SLCO1B1: variants seen among roughly 807,000 people sequenced by gnomAD.
SLCO1B1 encodes solute carrier organic anion transporter family member 1B1.
Under a neutral mutation model 70.1 loss-of-function variants are expected in SLCO1B1, and 81 were observed. That is an observed-to-expected ratio of 1.16 (90% CI 0.97 to 1.39). The LOEUF (loss-of-function observed/expected upper bound fraction) is 1.39, where lower values mean the gene tolerates loss of function less well. SLCO1B1 is among the 40% of genes most tolerant of loss of function. The pLI, the probability that SLCO1B1 is intolerant of heterozygous loss-of-function variation, is 0.00. For synonymous variants in SLCO1B1, 283 were observed against 271.5 expected, an observed-to-expected ratio of 1.04 and a Z score of -0.42; for missense variants, 895 against 799.6, an observed-to-expected ratio of 1.12 and a Z score of -1.44.
intron 2 of SLCO1B1, among the ~76,000 whole-genome samples, chr12:21,163,768 C>G (rs1940651821): frequency 6.6e-6 from 1 of 152,058 alleles, no homozygotes; most frequent in Non-Finnish European, 1.5e-5. Context: ...TAATCACCCC[C>G]CAAAAGCTTC....
intron 13 of SLCO1B1, among the ~76,000 whole-genome samples, chr12:21,224,416 T>C (rs1301352565): frequency 3.9e-5 from 6 of 152,192 alleles, no homozygotes; most frequent in Non-Finnish European, 8.8e-5. Context: ...TTCCAAGTTT[T>C]ACTAACAACA....
In SLCO1B1 at chr12:21,179,293, C is replaced by T. The variant is rs117034374; in HGVS notation, c.727+273C>T. ...AAAATAACCAAATGTAAAATGTCTC[C>T]CTCCCAAACTGACTGTCCAGTCAAG... is the stretch of plus-strand genomic sequence containing the variant. On this transcript the variant is annotated intron_variant, in intron 7 of 14. Coordinates refer to ENST00000256958, the MANE Select transcript of SLCO1B1 (RefSeq NM_006446.5). Among the ~76,000 whole-genome samples the T allele has an allele frequency of 1.3e-4, 20 of 152,078 alleles. No individual in the cohort carries two copies. The East Asian group carries it at 3.1e-3, about 24-fold the overall frequency.
intron 1 of SLCO1B1, among the ~76,000 whole-genome samples, chr12:21,135,989 T>C (rs970739655): frequency 6.6e-6 from 1 of 152,182 alleles, no homozygotes; most frequent in African/African-American, 2.4e-5. Flanking sequence ...TTCCTTTCCA[T>C]GTTTAGTGCT....
intron 7 of SLCO1B1, among the ~76,000 whole-genome samples, chr12:21,190,930 A>T (rs1232949724): frequency 6.6e-6 from 1 of 152,046 alleles, no homozygotes; most frequent in Non-Finnish European, 1.5e-5. Flanking sequence ...TAAATGATTT[A>T]TAATATTTTA....
chr12:21,202,745 T>C, intron 10 of SLCO1B1, 59 bp downstream of exon 10: 1 of 1,344,440 alleles, frequency 7.4e-7, no homozygotes, highest in East Asian at 2.3e-5. Flanking sequence ...TAAGAGTCTC[T>C]GTATAAGTAA....
intron 1 of SLCO1B1, among the ~76,000 whole-genome samples, chr12:21,137,048 C>T (rs1940233228): frequency 1.3e-5 from 2 of 152,182 alleles, no homozygotes; most frequent in African/African-American, 4.8e-5. Flanking sequence ...TTCCTTCTAA[C>T]AGACAGGACC....
intron 2 of SLCO1B1, among the ~76,000 whole-genome samples, chr12:21,149,531 A>T (rs981329735): frequency 6.6e-6 from 1 of 152,148 alleles, no homozygotes; most frequent in African/African-American, 2.4e-5. Flanking sequence ...CTGGTTAGAC[A>T]GTGGGTGCAG....
chr12:21,184,700 C>T (rs1046260259), intron 7 of SLCO1B1, among the ~76,000 whole-genome samples: 5 of 152,010 alleles, frequency 3.3e-5, no homozygotes, highest in African/African-American at 9.7e-5. Context: ...AGCAACTATA[C>T]AACCAAGTCT....
chr12:21,196,822 TA>T, intron 7 of SLCO1B1, 123 bp from the exon 8 acceptor site: 1 of 1,002,252 alleles, frequency 1.0e-6, no homozygotes, highest in Non-Finnish European at 1.5e-6. Context: ...GACAAAAAAT[TA>T]AAAGAAAAAA....
At chr12:21,197,490 C>T (rs944769947) in intron 8 of SLCO1B1, among the ~76,000 whole-genome samples, 3 of 151,964 alleles carry the variant, frequency 2.0e-5, no homozygotes, top group African/African-American at 7.2e-5. Context: ...ATGGTCTAAA[C>T]TGGGAGAGTT....
intron 2 of SLCO1B1, among the ~76,000 whole-genome samples, chr12:21,159,605 C>A (rs1159197082): frequency 6.6e-6 from 1 of 152,030 alleles, no homozygotes; most frequent in Non-Finnish European, 1.5e-5. Context: ...TGAGAAAATT[C>A]CTATTTGGCA....
chr12:21,200,718 T>G lies in SLCO1B1; in HGVS notation c.1135+46T>G, dbSNP rs373407344. 137 of 1,490,700 alleles carry G rather than the reference T, an allele frequency of 9.2e-5. 1 individual carries two copies. The highest frequency in any genetic ancestry group is 1.2e-4 in the Non-Finnish European group (127 of 1,074,900). 92.3% of individuals were successfully genotyped at this position (1,490,700 alleles called of 1,614,324 possible). A position where few individuals can be genotyped will look rare whatever the true frequency, so the allele number is the denominator to read the frequency against. On this transcript the variant is annotated intron_variant, in intron 9 of 14. Coordinates refer to ENST00000256958, the MANE Select transcript of SLCO1B1 (RefSeq NM_006446.5). ...GTGTGCTTAATAAGTGAAATAATAC[T>G]AAATACTGTATTCCAAGTGGTATTT...
chr12:21,159,807 G>A (rs1367907268), intron 2 of SLCO1B1, among the ~76,000 whole-genome samples: 1 of 151,916 alleles, frequency 6.6e-6, no homozygotes, highest in African/African-American at 2.4e-5. Flanking sequence ...ACAAAAATCA[G>A]TAGCATTCCT....
At chr12:21,148,756 G>A (rs1038590837) in intron 2 of SLCO1B1, among the ~76,000 whole-genome samples, 3 of 137,224 alleles carry the variant, frequency 2.2e-5, no homozygotes, top group Admixed American at 7.8e-5. Flanking sequence ...CCAATTCTGT[G>A]ATGAAAGTCA....
rs1043835769 is a variant in SLCO1B1 at position 21,148,018 on chromosome 12, G to C, written c.84+6360G>C. Among the ~76,000 whole-genome samples the C allele has an allele frequency of 3.3e-5, 5 of 152,158 alleles. No homozygotes were observed. The South Asian group carries it at 6.2e-4, about 19-fold the overall frequency. On this transcript the variant is annotated intron_variant, in intron 2 of 14. Transcript: ENST00000256958. ...ACATAAATGTCTTATTTTGAGAAGT[G>C]TCTGTTCATATCCTTGGCCCACTTT...
At chr12:21,152,776 A>G (rs568738911) in intron 2 of SLCO1B1, among the ~76,000 whole-genome samples, 1 of 152,204 alleles carries the variant, frequency 6.6e-6, no homozygotes, top group East Asian at 1.9e-4. Flanking sequence ...GGCAAGCACT[A>G]AAAGTCCTAT....
chr12:21,155,273 A>T (rs1002263590), intron 2 of SLCO1B1, among the ~76,000 whole-genome samples: 1 of 151,782 alleles, frequency 6.6e-6, no homozygotes, highest in Non-Finnish European at 1.5e-5. Context: ...ATATGCTTTC[A>T]ATGTTTTAAA....
At chr12:21,188,486 TCAAC>T (rs1940988168) in intron 7 of SLCO1B1, among the ~76,000 whole-genome samples, 1 of 152,306 alleles carries the variant, frequency 6.6e-6, no homozygotes, top group African/African-American at 2.4e-5. Flanking sequence ...AGGATTCTGA[TCAAC>T]AGTAGCTGGT....
chr12:21,157,069 A>G (rs999405409), intron 2 of SLCO1B1, among the ~76,000 whole-genome samples: 8 of 152,200 alleles, frequency 5.3e-5, no homozygotes, highest in Admixed American at 3.9e-4. Context: ...AAAATAAGTA[A>G]GCTAAATATT....
Sources: gnomAD v4.1 joint callset for allele counts (sites outside exome capture counted in the v4.1 genomes callset) on GRCh38, gnomAD v4.1.1 for gene constraint, MANE v1.5 for transcripts, NCBI Gene and HGNC (gene_info 2026-07-23, HGNC 2026-07-21) for gene names.